CNNM2: variants seen among roughly 807,000 people sequenced by gnomAD.
CNNM2 encodes metal transporter CNNM2.
A neutral mutation model predicts 66.9 loss-of-function variants in CNNM2; 12 were observed. The ratio of observed to expected loss-of-function variants is 0.18; its 90% confidence interval spans 0.11 to 0.29. The LOEUF is 0.29. Among genes scored for constraint, CNNM2 ranks in the 10% least tolerant of loss-of-function variants. The pLI, the probability that CNNM2 is intolerant of heterozygous loss-of-function variation, is 1.00. For missense variants in CNNM2, 705 were observed against 1,167.7 expected (o/e 0.60, Z 5.77); for synonymous variants, 557 against 501.8 (o/e 1.11, Z -1.47).
At position 103,045,547 on chromosome 10, in the gene CNNM2, C is replaced by CT. The variant is rs1337323973; in HGVS notation, c.1622-4158dup. On this transcript the variant is annotated intron_variant, in intron 1 of 7. Coordinates refer to ENST00000369878, the MANE Select transcript of CNNM2 (RefSeq NM_017649.5). ...GTTGTATCTGGGTGAACTTACCCAA[C>CT]TTAAAGTGTTAACTAAACTTTATTT... Among the ~76,000 whole-genome samples, 4 of 152,244 alleles carry CT rather than the reference C, an allele frequency of 2.6e-5. No homozygotes were observed. The East Asian group carries it at 7.7e-4, about 29-fold the overall frequency.
chr10:102,972,418 C>T (rs1396696552), intron 1 of CNNM2, among the ~76,000 whole-genome samples: 3 of 152,062 alleles, frequency 2.0e-5, no homozygotes, highest in African/African-American at 2.4e-5. Flanking sequence ...AGGCGAATCA[C>T]GAGGTCAGGA....
intron 1 of CNNM2, among the ~76,000 whole-genome samples, chr10:103,004,277 C>T (rs551370826): frequency 1.3e-4 from 20 of 152,212 alleles, no homozygotes; most frequent in Non-Finnish European, 2.8e-4. Flanking sequence ...TGCTGGATTA[C>T]AGGCGTGAGC....
chr10:102,941,289 G>C (rs1425790531), intron 1 of CNNM2, among the ~76,000 whole-genome samples: 1 of 132,308 alleles, frequency 7.6e-6, no homozygotes, highest in Non-Finnish European at 1.7e-5. Context: ...AAATTACGTA[G>C]TAGAGATGGG....
At chr10:103,045,467 G>GT (rs1460009299) in intron 1 of CNNM2, among the ~76,000 whole-genome samples, 3 of 152,146 alleles carry the variant, frequency 2.0e-5, no homozygotes, top group African/African-American at 7.2e-5. Context: ...CATTGTCTGC[G>GT]TAAGTGCTGG....
intron 1 of CNNM2, among the ~76,000 whole-genome samples, chr10:103,028,819 T>C (rs1337881342): frequency 8.1e-6 from 1 of 122,910 alleles, no homozygotes; most frequent in African/African-American, 3.0e-5. Flanking sequence ...TTTTTCTTTT[T>C]TTTTTTTTCT....
At chr10:103,010,241 T>A (rs949966616) in intron 1 of CNNM2, among the ~76,000 whole-genome samples, 6 of 152,058 alleles carry the variant, frequency 3.9e-5, no homozygotes, top group African/African-American at 9.7e-5. Flanking sequence ...TTTTTTTTTT[T>A]ATTTTTTTCC....
intron 1 of CNNM2, among the ~76,000 whole-genome samples, chr10:102,997,480 A>G (rs941865231): frequency 5.9e-5 from 9 of 152,156 alleles, no homozygotes; most frequent in Non-Finnish European, 1.2e-4. Context: ...AATATGTATA[A>G]AAGTTTGCTT....
rs2065722731 is a variant in CNNM2, at chr10:103,078,337, C to T, written c.*1157C>T. The stretch of plus-strand genomic sequence containing the variant: ...TCCCAGGGAGCCAACTGTCCCTCCT[C>T]CCCTGTCCCTGGGCCCATGGGGCCC... On this transcript the variant is annotated 3_prime_UTR_variant, in exon 8 of 8. Coordinates refer to ENST00000369878, the MANE Select transcript of CNNM2 (RefSeq NM_017649.5). 1 of 152,314 alleles carries T rather than the reference C, an allele frequency of 6.6e-6. No individual in the cohort carries two copies. The highest frequency in any genetic ancestry group is 1.5e-5 in the Non-Finnish European group (1 of 68,070). 9.4% of individuals were successfully genotyped at this position (152,314 alleles called of 1,614,324 possible). A position where few individuals can be genotyped will look rare whatever the true frequency, so the allele number is the denominator to read the frequency against.
At chr10:103,055,331 G>T (rs1357206148) in intron 3 of CNNM2, among the ~76,000 whole-genome samples, 4 of 152,206 alleles carry the variant, frequency 2.6e-5, no homozygotes, top group South Asian at 2.1e-4. Flanking sequence ...AAGGCTAGCC[G>T]CAACCACATG....
chr10:102,945,887 T>A (rs1245389248), intron 1 of CNNM2, among the ~76,000 whole-genome samples: 1 of 152,136 alleles, frequency 6.6e-6, no homozygotes, highest in African/African-American at 2.4e-5. Flanking sequence ...TTAGTTTGCC[T>A]TGGGCCTGCC....
At chr10:103,028,197 C>T (rs1477815831) in intron 1 of CNNM2, among the ~76,000 whole-genome samples, 1 of 152,188 alleles carries the variant, frequency 6.6e-6, no homozygotes, top group Non-Finnish European at 1.5e-5. Context: ...GTCATTTTTA[C>T]CAAGGACCAG....
intron 1 of CNNM2, among the ~76,000 whole-genome samples, chr10:102,931,573 T>G (rs1846066826): frequency 6.6e-6 from 1 of 151,970 alleles, no homozygotes; most frequent in South Asian, 2.1e-4. Context: ...GTCAGGCTGG[T>G]CTTGAATTTT....
intron 1 of CNNM2, among the ~76,000 whole-genome samples, chr10:103,001,960 C>A (rs1030930035): frequency 2.6e-5 from 4 of 152,114 alleles, no homozygotes; most frequent in Admixed American, 6.6e-5. Context: ...CCTGCCACTG[C>A]GCCCCAGCCT....
At chr10:102,926,997 G>C (rs1845890968) in intron 1 of CNNM2, among the ~76,000 whole-genome samples, 1 of 151,652 alleles carries the variant, frequency 6.6e-6, no homozygotes, top group Admixed American at 6.6e-5. Context: ...GGGATTACAA[G>C]CATGAGACAC....
intron 1 of CNNM2, among the ~76,000 whole-genome samples, chr10:103,037,225 C>A (rs2064957682): frequency 6.8e-6 from 1 of 147,688 alleles, no homozygotes; most frequent in Non-Finnish European, 1.5e-5. Context: ...TATATTTAGC[C>A]CTGTGTTGGG....
chr10:103,039,356 C>T (rs560905694), intron 1 of CNNM2, among the ~76,000 whole-genome samples: 18 of 152,182 alleles, frequency 1.2e-4, no homozygotes, highest in African/African-American at 1.7e-4. Context: ...AAGTTGGTCT[C>T]GAACTCCTGA....
In CNNM2 at chr10:102,919,884, C is replaced by T; in HGVS notation, c.1404C>T (p.Asn468=). 6.2e-7 allele frequency: 1 copy of T among 1,614,256 alleles called. No homozygotes were observed. The highest frequency in any genetic ancestry group is 8.5e-7 in the Non-Finnish European group (1 of 1,180,046). The stretch of plus-strand genomic sequence containing the variant: ...CCGGCGAAGCCATCCTGGACTTCAA[C>T]ACCATGTCTGAGATCATGGAGAGCG... The part of the protein sequence containing the change: ...MITGEAILDF[N]TMSEIMESGY... The change falls in exon 1 of 8, where the codon AAC becomes AAT. Residue 468 remains asparagine (N), a synonymous_variant. Transcript: ENST00000369878.
intron 4 of CNNM2, among the ~76,000 whole-genome samples, chr10:103,066,270 A>G (rs372062297): frequency 1.8e-4 from 28 of 151,884 alleles, no homozygotes; most frequent in South Asian, 1.5e-3. Context: ...TTCCTGTCTC[A>G]GGTCCCCATC....
At chr10:102,938,307 G>T (rs1846312382) in intron 1 of CNNM2, among the ~76,000 whole-genome samples, 2 of 151,612 alleles carry the variant, frequency 1.3e-5, no homozygotes, top group African/African-American at 4.8e-5. Flanking sequence ...AGCTGGGCAT[G>T]GTGGTGGGCA....
Sources: gnomAD v4.1 joint callset for allele counts (sites outside exome capture counted in the v4.1 genomes callset) on GRCh38, gnomAD v4.1.1 for gene constraint, MANE v1.5 for transcripts, NCBI Gene and HGNC (gene_info 2026-07-23, HGNC 2026-07-21) for gene names.